EVL: variants seen among roughly 807,000 people sequenced by gnomAD.
The protein encoded by EVL is Enah/Vasp-like.
In EVL, 21 loss-of-function variants were observed where a neutral mutation model predicts 59.6. The observed-to-expected ratio is 0.35, with a 90% CI of 0.25 to 0.51. The LOEUF is 0.51. EVL is among the 20% of genes least tolerant of loss of function. EVL has a pLI of 0.97. For synonymous variants in EVL, 198 were observed against 203.5 expected (o/e 0.97, Z 0.23); for missense variants, 462 against 546.6 (o/e 0.85, Z 1.54).
chr14:100,013,208 A>G (rs928609698), intron 1 of EVL, among the ~76,000 whole-genome samples: 1 of 152,174 alleles, frequency 6.6e-6, no homozygotes, highest in Admixed American at 6.5e-5. Context: ...GGGTCCCAAG[A>G]CACGTAATGA....
chr14:99,978,816 A>G (rs934039610), intron 1 of EVL, among the ~76,000 whole-genome samples: 2 of 152,260 alleles, frequency 1.3e-5, no homozygotes, highest in African/African-American at 2.4e-5. Flanking sequence ...TATTGCTAAA[A>G]GTCTAGAATG....
intron 2 of EVL, among the ~76,000 whole-genome samples, chr14:100,087,111 C>T (rs2140305071): frequency 6.6e-6 from 1 of 152,266 alleles, no homozygotes; most frequent in East Asian, 1.9e-4. Flanking sequence ...TAATGGAGCA[C>T]TTTTCATGTC....
At chr14:100,033,295 T>A (rs887644830) in intron 1 of EVL, among the ~76,000 whole-genome samples, 2 of 152,258 alleles carry the variant, frequency 1.3e-5, no homozygotes, top group Non-Finnish European at 2.9e-5. Context: ...CAAATGTGCC[T>A]GCTGTACTGT....
At position 100,144,110 on chromosome 14, in the gene EVL, G is replaced by A. The variant is rs772835722; in HGVS notation, c.*372G>A. 1.5e-5 allele frequency: 5 copies of A among 322,602 alleles called. No homozygotes were observed. The highest frequency in any genetic ancestry group is 2.3e-5 in the Non-Finnish European group (4 of 171,792). The allele number at this position is 322,602 out of a possible 1,614,324, so 20.0% of individuals were successfully genotyped here. A position where few individuals can be genotyped will look rare whatever the true frequency, so the allele number is the denominator to read the frequency against. The stretch of plus-strand genomic sequence containing the variant: ...AGCTGGCGGTGACAGCCGGCCCAGC[G>A]TGGCGCCACCACACACCGCAGAGCT... On this transcript the variant is annotated 3_prime_UTR_variant, in exon 14 of 14. Transcript: ENST00000392920.
At chr14:100,094,987 G>A (rs569681664) in intron 2 of EVL, among the ~76,000 whole-genome samples, 7 of 152,212 alleles carry the variant, frequency 4.6e-5, no homozygotes, top group African/African-American at 1.7e-4. Flanking sequence ...GTTGCAGTGA[G>A]CCAAGATCGC....
In EVL at chr14:99,972,575, C is replaced by G. The variant is rs574313056; in HGVS notation, c.5+518C>G. Among the ~76,000 whole-genome samples the G allele has an allele frequency of 6.6e-6, 1 of 152,276 alleles. No homozygotes were observed. Among genetic ancestry groups the G allele is most frequent in the East Asian group, 1.9e-4 (1 of 5,168 alleles). ...TCCCCTCGACTTGGAGCCCGTCAAC[C>G]CCTTCGTCTCCTAATTCTCAACCCC... On this transcript the variant is annotated intron_variant, in intron 1 of 13. Transcript: ENST00000402714. This position sits in a 1 kb window ranked among gnomAD's most constrained non-coding sequence, Gnocchi z 4.4.
rs141789000 is a variant in EVL at position 99,987,411 on chromosome 14, G to A, written c.5+15354G>A. ...AATCCTAGCACTTTGGGAGGCCAAG[G>A]CAGGTGGATCAACTGAGGTCAGGAG... On this transcript the variant is annotated intron_variant, in intron 1 of 13. Transcript: ENST00000402714. Among the ~76,000 whole-genome samples the A allele has an allele frequency of 4.4e-3, 671 of 152,290 alleles. 6 individuals are homozygous for A. The highest frequency in any genetic ancestry group is 7.1e-3 in the Non-Finnish European group (482 of 68,016).
At chr14:100,024,873 C>T (rs1429521430) in intron 1 of EVL, among the ~76,000 whole-genome samples, 1 of 152,072 alleles carries the variant, frequency 6.6e-6, no homozygotes, top group Non-Finnish European at 1.5e-5. Flanking sequence ...GCGGCAGCTC[C>T]GCAACTCCTT....
upstream of EVL, among the ~76,000 whole-genome samples, chr14:100,062,429 TAAAA>T (rs563713209): frequency 1.4e-5 from 2 of 144,162 alleles, no homozygotes; most frequent in Non-Finnish European, 3.1e-5. Context: ...GAAAGACCTC[TAAAA>T]AAAAAAGAGG....
At chr14:99,983,261 G>A (rs375494817) in intron 1 of EVL, among the ~76,000 whole-genome samples, 1 of 152,188 alleles carries the variant, frequency 6.6e-6, no homozygotes, top group African/African-American at 2.4e-5. Context: ...ATAGACAAAA[G>A]AAAGATAAAA....
rs190422791 is a variant in EVL at position 100,117,356 on chromosome 14, G to A, written c.359-6183G>A. 8.7e-4 allele frequency among the ~76,000 whole-genome samples: 132 copies of A among 152,028 alleles called. No individual in the cohort carries two copies. In the Middle Eastern group the frequency reaches 0.01, roughly 12 times the overall value. ...ATGTGCCACACTCCTGCCCAAGAAG[G>A]GGCTCCGCCAGGGGGCTCCGAGCCG... is the stretch of plus-strand genomic sequence containing the variant. On this transcript the variant is annotated intron_variant, in intron 3 of 13. Coordinates refer to ENST00000392920, the MANE Select transcript of EVL (RefSeq NM_016337.3).
chr14:100,079,153 G>A (rs2062234205), intron 1 of EVL, among the ~76,000 whole-genome samples: 1 of 152,234 alleles, frequency 6.6e-6, no homozygotes. Flanking sequence ...AGACAGGGCT[G>A]AGCCTCGCTT....
At chr14:100,048,852 C>T (rs1255913579) in intron 1 of EVL, among the ~76,000 whole-genome samples, 2 of 152,246 alleles carry the variant, frequency 1.3e-5, no homozygotes, top group East Asian at 1.9e-4. Flanking sequence ...AAATGTTACA[C>T]GTTGTATGAT....
intron 3 of EVL, among the ~76,000 whole-genome samples, chr14:100,115,500 G>C (rs1217644599): frequency 6.6e-6 from 1 of 152,220 alleles, no homozygotes; most frequent in Non-Finnish European, 1.5e-5. Flanking sequence ...TGTGGCCCTG[G>C]TCAGTCCCCC....
intron 1 of EVL, chr14:100,019,548 G>T (rs1842552660): frequency 1.2e-6 from 1 of 816,446 alleles, no homozygotes. Flanking sequence ...GAATATTGGG[G>T]GGTGTGGAAA....
Position 100,127,728 on chromosome 14 carries a change from C to T in EVL, c.488-791C>T, listed in dbSNP as rs753855874. Among the ~76,000 whole-genome samples the T allele has an allele frequency of 3.3e-5, 5 of 152,216 alleles. No individual in the cohort carries two copies. The highest frequency in any genetic ancestry group is 6.5e-5 in the Admixed American group (1 of 15,276). On this transcript the variant is annotated intron_variant, in intron 5 of 13. Coordinates refer to ENST00000392920, the MANE Select transcript of EVL (RefSeq NM_016337.3). This position sits in a 1 kb window ranked among gnomAD's most constrained non-coding sequence, Gnocchi z 4.2. Reference sequence around the variant, plus strand: ...AGCTCCACAGTCACTTCCGTGAGGACGTCATGGAGGACGTCCGTCTTCCAT... The same window carrying T: ...AGCTCCACAGTCACTTCCGTGAGGATGTCATGGAGGACGTCCGTCTTCCAT...
chr14:100,051,246 A>G (rs2061643335), intron 1 of EVL, among the ~76,000 whole-genome samples: 1 of 152,214 alleles, frequency 6.6e-6, no homozygotes, highest in Non-Finnish European at 1.5e-5. Context: ...CTGACTAGAC[A>G]TGAACCATCT....
At chr14:99,997,265 A>G (rs1036871641) in intron 1 of EVL, among the ~76,000 whole-genome samples, 2 of 152,232 alleles carry the variant, frequency 1.3e-5, no homozygotes, top group African/African-American at 4.8e-5. Flanking sequence ...GAGAATTCCA[A>G]GCTTTGAGGA....
intron 1 of EVL, among the ~76,000 whole-genome samples, chr14:100,067,125 A>G (rs765941370): frequency 4.6e-5 from 7 of 152,192 alleles, no homozygotes; most frequent in Non-Finnish European, 7.3e-5. Flanking sequence ...CCCCCGTACA[A>G]GGCTGCTTGC....
Sources: allele counts gnomAD v4.1 joint callset (sites outside exome capture counted in the v4.1 genomes callset), GRCh38; gene constraint gnomAD v4.1.1; non-coding constraint Gnocchi (gnomAD v3.1); transcripts MANE v1.5; gene names NCBI Gene and HGNC (gene_info 2026-07-23, HGNC 2026-07-21).